Variants in TRAM1 observed in about 807,000 individuals in gnomAD.
The protein encoded by TRAM1 is translocating chain-associated membrane protein 1.
In TRAM1, 17 loss-of-function variants were observed where a neutral mutation model predicts 48.7. That is an observed-to-expected ratio of 0.35 (90% CI 0.24 to 0.52). The LOEUF is 0.52. Ranked by LOEUF, TRAM1 falls within the 20% of genes least tolerant of loss-of-function variation. The pLI, the probability that TRAM1 is intolerant of heterozygous loss-of-function variation, is 0.94. For synonymous variants in TRAM1, 182 were observed against 154.0 expected (o/e 1.18, Z -1.34); for missense variants, 351 against 441.5 (o/e 0.79, Z 1.84).
At chr8:70,589,360 G>C (rs549295583) in intron 6 of TRAM1, among the ~76,000 whole-genome samples, 3 of 152,208 alleles carry the variant, frequency 2.0e-5, no homozygotes, top group African/African-American at 7.2e-5. Context: ...AACCACAAGG[G>C]AACCTCTCTT....
At chr8:70,580,382 T>C (rs1817049542) in intron 10 of TRAM1, among the ~76,000 whole-genome samples, 1 of 152,126 alleles carries the variant, frequency 6.6e-6, no homozygotes, top group Non-Finnish European at 1.5e-5. Flanking sequence ...ATCCCAGGAA[T>C]GCAACGTTGG....
At position 70,594,593 on chromosome 8, in the gene TRAM1, G is replaced by A. The variant is rs752748180; in HGVS notation, c.486-3C>T. 6.3e-7 allele frequency: 1 copy of A among 1,580,196 alleles called. No homozygotes were observed. The stretch of plus-strand genomic sequence containing the variant: ...TGTAGAAAAACTTCATTTGAAATCT[G>A]TACAACACAAGAAAATGAAGAGTAC... On this transcript the variant is annotated splice_polypyrimidine_tract_variant and splice_region_variant and intron_variant, in intron 5 of 10. Transcript: ENST00000262213.
intron 10 of TRAM1, among the ~76,000 whole-genome samples, chr8:70,580,990 G>T (rs1028282637): frequency 6.6e-6 from 1 of 152,172 alleles, no homozygotes; most frequent in Non-Finnish European, 1.5e-5. Context: ...TAAATAAACA[G>T]ACATTCATGT....
intron 9 of TRAM1, 103 bp from the exon 10 acceptor site, chr8:70,583,427 AG>A (rs1441957913): frequency 1.5e-6 from 2 of 1,368,788 alleles, no homozygotes; most frequent in Non-Finnish European, 2.0e-6. Context: ...CACTCAGTTG[AG>A]AAAATTGTAT....
intron 6 of TRAM1, among the ~76,000 whole-genome samples, chr8:70,593,087 G>A (rs1045078891): frequency 1.3e-5 from 2 of 152,062 alleles, no homozygotes; most frequent in Non-Finnish European, 2.9e-5. Flanking sequence ...AAAATAAAAG[G>A]TCTTCATCCT....
intron 8 of TRAM1, among the ~76,000 whole-genome samples, chr8:70,586,016 A>T (rs1382741229): frequency 1.3e-5 from 2 of 151,108 alleles, no homozygotes; most frequent in Non-Finnish European, 3.0e-5. Flanking sequence ...AAGACTTGGA[A>T]CCAACTCAAA....
chr8:70,582,177 A>G (rs747617364), intron 10 of TRAM1, among the ~76,000 whole-genome samples: 11 of 152,216 alleles, frequency 7.2e-5, no homozygotes, highest in African/African-American at 1.2e-4. Context: ...ACAGAGGTAT[A>G]TATCATGTTA....
intron 1 of TRAM1, among the ~76,000 whole-genome samples, chr8:70,600,337 C>T (rs558954856): frequency 1.3e-5 from 2 of 152,332 alleles, no homozygotes; most frequent in East Asian, 3.9e-4. Flanking sequence ...ACATTTTCTG[C>T]AGTTCCAGAA....
chr8:70,594,060 T>C (rs1028542156), intron 6 of TRAM1, among the ~76,000 whole-genome samples: 20 of 152,334 alleles, frequency 1.3e-4, no homozygotes, highest in African/African-American at 4.6e-4. Flanking sequence ...TATTTAAATA[T>C]ATTTTACTTT....
chr8:70,603,532 C>G (rs1817655331), intron 1 of TRAM1, among the ~76,000 whole-genome samples: 1 of 152,158 alleles, frequency 6.6e-6, no homozygotes, highest in African/African-American at 2.4e-5. Context: ...GCCTGGCCAA[C>G]ATGGTGAAAC....
At position 70,573,283 on chromosome 8, in the gene TRAM1, C is replaced by A. The variant is rs142596664; in HGVS notation, c.*1649G>T. 2.1e-3 allele frequency among the ~76,000 whole-genome samples: 318 copies of A among 152,242 alleles called. 1 individual carries two copies. The highest frequency in any genetic ancestry group is 7.2e-3 in the African/African-American group (297 of 41,526). On this transcript the variant is annotated 3_prime_UTR_variant, in exon 11 of 11. Transcript: ENST00000262213. ...CCATCTATCCCCCCAGTAGTCCTCA[C>A]CAATATTCTGTGGAACAAATCTGTT...
intron 9 of TRAM1, 42 bp downstream of exon 9, chr8:70,583,608 A>T: frequency 6.3e-7 from 1 of 1,592,090 alleles, no homozygotes; most frequent in Non-Finnish European, 8.5e-7. Flanking sequence ...AATATATATT[A>T]TCTAGCTGTA....
At position 70,598,094 on chromosome 8, in the gene TRAM1, G is replaced by C. The variant is rs763544309; in HGVS notation, c.309+40C>G. On this transcript the variant is annotated intron_variant, in intron 3 of 10. Coordinates refer to ENST00000262213, the MANE Select transcript of TRAM1 (RefSeq NM_014294.6). ...ATGACTAGCAGATTATGGAGAGCTA[G>C]TACTTTATAAAGTATAGATTTCTAA... 4.4e-6 allele frequency: 7 copies of C among 1,589,424 alleles called. No homozygotes were observed. The South Asian group carries it at 7.0e-5, about 16-fold the overall frequency.
intron 1 of TRAM1, chr8:70,607,816 A>C: frequency 1.4e-5 from 4 of 288,126 alleles, no homozygotes; most frequent in Non-Finnish European, 1.9e-5. Flanking sequence ...GCGGGTCAGG[A>C]AGGGGGCGAC....
chr8:70,596,395 T>G, intron 4 of TRAM1, 74 bp from the exon 5 acceptor site: 1 of 1,133,068 alleles, frequency 8.8e-7, no homozygotes, highest in South Asian at 1.5e-5. Flanking sequence ...TTACTTTCAT[T>G]TCTCAAACAT....
chr8:70,593,900 A>C (rs1410593874), intron 6 of TRAM1, among the ~76,000 whole-genome samples: 1 of 152,184 alleles, frequency 6.6e-6, no homozygotes, highest in Non-Finnish European at 1.5e-5. Context: ...ATGGAACCCG[A>C]CTTCAGAAGC....
chr8:70,591,373 G>C (rs1817355085), intron 6 of TRAM1, among the ~76,000 whole-genome samples: 1 of 152,084 alleles, frequency 6.6e-6, no homozygotes, highest in Non-Finnish European at 1.5e-5. Flanking sequence ...TTCCTCTGGG[G>C]TTACAGCCCC....
At chr8:70,607,506 G>A in intron 1 of TRAM1, 1 of 985,202 alleles carries the variant, frequency 1.0e-6, no homozygotes, top group Non-Finnish European at 1.2e-6. Flanking sequence ...GCAGATGCCT[G>A]ACTCCGGTTT....
Position 70,608,023 on chromosome 8 carries a change from C to T in TRAM1, c.123+54G>A, listed in dbSNP as rs566310348. On this transcript the variant is annotated intron_variant, in intron 1 of 10. Coordinates refer to ENST00000262213, the MANE Select transcript of TRAM1 (RefSeq NM_014294.6). ...GAAGCCGGGGCTGGCATCTGGAGCC[C>T]GGGCCCGGGCTGGAGGTGGCGGGGC... 1.5e-4 allele frequency: 222 copies of T among 1,516,178 alleles called. No individual in the cohort carries two copies. The East Asian group carries it at 5.5e-3, about 38-fold the overall frequency. 93.9% of individuals were successfully genotyped at this position (1,516,178 alleles called of 1,614,324 possible). A position where few individuals can be genotyped will look rare whatever the true frequency, so the allele number is the denominator to read the frequency against.
Sources: gnomAD v4.1 joint callset for allele counts (sites outside exome capture counted in the v4.1 genomes callset) on GRCh38, gnomAD v4.1.1 for gene constraint, MANE v1.5 for transcripts, NCBI Gene and HGNC (gene_info 2026-07-23, HGNC 2026-07-21) for gene names.